CRIM1: variants seen among roughly 807,000 people sequenced by gnomAD.
CRIM1 encodes cysteine-rich motor neuron 1 protein.
CRIM1 carries 32 observed loss-of-function variants against 116.4 expected under a neutral mutation model. The observed-to-expected ratio is 0.27, with a 90% CI of 0.21 to 0.37. The LOEUF is 0.37. Among genes scored for constraint, CRIM1 ranks in the 10% least tolerant of loss-of-function variants. CRIM1 has a pLI of 1.00. For missense variants in CRIM1, 1,331 were observed against 1,354.8 expected (o/e 0.98, Z 0.28); for synonymous variants, 590 against 509.2 (o/e 1.16, Z -2.13).
At chr2:36,485,102 T>G (rs1433804184) in intron 7 of CRIM1, among the ~76,000 whole-genome samples, 1 of 152,240 alleles carries the variant, frequency 6.6e-6, no homozygotes, top group Non-Finnish European at 1.5e-5. Context: ...GTTTCAGGCC[T>G]AATAATTCTG....
chr2:36,483,785 C>A (rs1378772800), intron 7 of CRIM1, among the ~76,000 whole-genome samples: 1 of 152,156 alleles, frequency 6.6e-6, no homozygotes, highest in African/African-American at 2.4e-5. Context: ...CAGGAAGTCC[C>A]AACCAGACCC....
At chr2:36,457,301 C>G (rs1224316665) in intron 4 of CRIM1, among the ~76,000 whole-genome samples, 1 of 152,104 alleles carries the variant, frequency 6.6e-6, no homozygotes, top group African/African-American at 2.4e-5. Context: ...TATACCTTCC[C>G]TACATGTGAG....
At chr2:36,471,266 A>G (rs1375968338) in intron 5 of CRIM1, among the ~76,000 whole-genome samples, 1 of 152,222 alleles carries the variant, frequency 6.6e-6, no homozygotes, top group Non-Finnish European at 1.5e-5. Flanking sequence ...AAGCAACAGC[A>G]GGGTTTTAGA....
intron 5 of CRIM1, among the ~76,000 whole-genome samples, chr2:36,469,045 C>G (rs1176164179): frequency 1.3e-5 from 2 of 152,088 alleles, no homozygotes; most frequent in East Asian, 3.9e-4. Context: ...ATATTTTTAG[C>G]CTTACGGTAT....
intron 5 of CRIM1, among the ~76,000 whole-genome samples, chr2:36,467,284 G>C (rs1364927423): frequency 6.6e-6 from 1 of 152,108 alleles, no homozygotes; most frequent in Non-Finnish European, 1.5e-5. Flanking sequence ...AGGAGACTAG[G>C]AACTAATACT....
At chr2:36,502,624 A>G (rs1026012937) in intron 8 of CRIM1, among the ~76,000 whole-genome samples, 1 of 152,212 alleles carries the variant, frequency 6.6e-6, no homozygotes, top group Admixed American at 6.5e-5. Context: ...GACCTTCCCT[A>G]AGGAAAAAAG....
At chr2:36,450,165 G>A (rs183424638) in intron 4 of CRIM1, among the ~76,000 whole-genome samples, 1 of 152,230 alleles carries the variant, frequency 6.6e-6, no homozygotes, top group African/African-American at 2.4e-5. Context: ...ATAGAATGTC[G>A]ATATCTCTGC....
intron 15 of CRIM1, among the ~76,000 whole-genome samples, chr2:36,546,261 A>G (rs998647658): frequency 6.6e-6 from 1 of 152,206 alleles, no homozygotes; most frequent in Non-Finnish European, 1.5e-5. Context: ...CCCTATTGGT[A>G]TGTGTTTAAC....
intron 2 of CRIM1, among the ~76,000 whole-genome samples, chr2:36,423,432 A>G (rs942626126): frequency 2.0e-5 from 3 of 152,346 alleles, no homozygotes; most frequent in Non-Finnish European, 2.9e-5. Flanking sequence ...CCACTTTACA[A>G]TGTTCCTTTG....
chr2:36,502,745 C>A (rs1681087783), intron 8 of CRIM1, among the ~76,000 whole-genome samples: 1 of 152,178 alleles, frequency 6.6e-6, no homozygotes, highest in South Asian at 2.1e-4. Flanking sequence ...AGAACCCAGG[C>A]TTATGTTCAC....
At chr2:36,475,164 T>A (rs564088407) in intron 5 of CRIM1, among the ~76,000 whole-genome samples, 1 of 152,372 alleles carries the variant, frequency 6.6e-6, no homozygotes, top group East Asian at 1.9e-4. Context: ...AGAGATTGCA[T>A]TGAACATGTA....
intron 2 of CRIM1, among the ~76,000 whole-genome samples, chr2:36,440,547 C>T (rs192901778): frequency 1.2e-4 from 19 of 152,246 alleles, no homozygotes; most frequent in African/African-American, 3.6e-4. Context: ...TCTGAGTAAA[C>T]CCACATTGTT....
rs1173656893 is a variant in CRIM1, at chr2:36,513,679, G to A, written c.1904G>A (p.Arg635Gln). 1.2e-6 allele frequency: 2 copies of A among 1,614,188 alleles called. No individual in the cohort carries two copies. The highest frequency in any genetic ancestry group is 1.7e-5 in the Admixed American group (1 of 60,036). ...GCRECYCLNGREMCALITCPV... is the reference protein window; with the variant it reads ...GCRECYCLNGQEMCALITCPV... ...CGGGAATGCTACTGTCTCAATGGAC[G>A]GGAAATGTGTGCCCTGATCACCTGC... The change falls in exon 11 of 17, where the codon CGG becomes CAG. Residue 635 changes from arginine to glutamine, a missense_variant. Physicochemically the swap from Arg to Gln is conservative, Grantham distance 43. Transcript: ENST00000280527.
intron 1 of CRIM1, among the ~76,000 whole-genome samples, chr2:36,371,159 C>G (rs1669917427): frequency 6.6e-6 from 1 of 152,172 alleles, no homozygotes; most frequent in Non-Finnish European, 1.5e-5. Context: ...TCTTCACGTC[C>G]TTTAATATGT....
At chr2:36,415,591 T>C (rs1196541214) in intron 2 of CRIM1, among the ~76,000 whole-genome samples, 2 of 152,206 alleles carry the variant, frequency 1.3e-5, no homozygotes, top group Non-Finnish European at 1.5e-5. Context: ...AGTTTTTCAC[T>C]ACATGCATCT....
Position 36,550,062 on chromosome 2 carries a change from T to TGCGC in CRIM1, c.*1362_*1363insCGCG, listed in dbSNP as rs1238313592. ...ATGTATGTGTGTGTGTGTGTGTGTG[T>TGCGC]GTGTGCGCGCGCACGCACGCCTTGA... On this transcript the variant is annotated 3_prime_UTR_variant, in exon 17 of 17. Transcript: ENST00000280527. The TGCGC allele has an allele frequency of 6.7e-6, 1 of 148,586 alleles. No homozygotes were observed. Among genetic ancestry groups the TGCGC allele is most frequent in the African/African-American group, 2.5e-5 (1 of 39,798 alleles). The allele number at this position is 148,586 out of a possible 1,614,324, so 9.2% of individuals were successfully genotyped here. A position where few individuals can be genotyped will look rare whatever the true frequency, so the allele number is the denominator to read the frequency against.
chr2:36,418,763 CT>C (rs34337646), intron 2 of CRIM1, among the ~76,000 whole-genome samples: 26,324 of 152,166 alleles, frequency 0.17, 3,037 homozygotes, highest in East Asian at 0.56. Flanking sequence ...ACTGAGGTGT[CT>C]TGTGTCTTGA....
chr2:36,526,664 G>A (rs1665778791), intron 13 of CRIM1, among the ~76,000 whole-genome samples: 1 of 152,184 alleles, frequency 6.6e-6, no homozygotes, highest in Non-Finnish European at 1.5e-5. Context: ...TGTTGGTGAT[G>A]CTTCTGCCCA....
chr2:36,380,644 T>C (rs563186494), intron 1 of CRIM1, among the ~76,000 whole-genome samples: 1 of 152,242 alleles, frequency 6.6e-6, no homozygotes, highest in South Asian at 2.1e-4. Context: ...AGAAATCCAG[T>C]ATTGCAAGGG....
Sources: gnomAD v4.1 joint callset for allele counts (sites outside exome capture counted in the v4.1 genomes callset) on GRCh38, gnomAD v4.1.1 for gene constraint, MANE v1.5 for transcripts, NCBI Gene and HGNC (gene_info 2026-07-23, HGNC 2026-07-21) for gene names.